SMG7: variants seen among roughly 807,000 people sequenced by gnomAD.
The protein encoded by SMG7 is SMG7 nonsense mediated mRNA decay factor, also known as nonsense-mediated mRNA decay factor SMG7.
In SMG7, 34 loss-of-function variants were observed where a neutral mutation model predicts 148.2. That is an observed-to-expected ratio of 0.23 (90% confidence interval 0.17 to 0.31). SMG7 has a LOEUF of 0.31. SMG7 is among the 10% of genes least tolerant of loss of function. The probability of loss-of-function intolerance (pLI) is 1.00; values close to 1 mark genes in which losing one functional copy is unlikely to be tolerated. For missense variants in SMG7, 1,114 were observed against 1,408.4 expected (o/e 0.79, Z 3.35); for synonymous variants, 492 against 515.1 (o/e 0.96, Z 0.61).
chr1:183,537,094 CT>C, intron 10 of SMG7, 50 bp from the exon 11 acceptor site: 1 of 1,297,762 alleles, frequency 7.7e-7, no homozygotes, highest in Non-Finnish European at 1.1e-6. Flanking sequence ...TATTAGTGTT[CT>C]GGTTTCTCTT....
chr1:183,472,506 C>G lies in SMG7; in HGVS notation c.-115C>G, dbSNP rs1429172724. 64 of 990,818 alleles carry G rather than the reference C, an allele frequency of 6.5e-5. No individual in the cohort carries two copies. The highest frequency in any genetic ancestry group is 8.2e-5 in the Non-Finnish European group (60 of 728,398). 61.4% of individuals were successfully genotyped at this position (990,818 alleles called of 1,614,324 possible). ...ACCCCCCTGCCGAGCGAGGAGGAGC[C>G]GGAGGAGAGGAAGATGGCGGCGGCC... On this transcript the variant is annotated 5_prime_UTR_variant, in exon 1 of 23. Coordinates refer to ENST00000688051, the MANE Select transcript of SMG7 (RefSeq NM_001375584.1).
At chr1:183,496,004 A>G (rs542920689) in intron 1 of SMG7, among the ~76,000 whole-genome samples, 2 of 152,374 alleles carry the variant, frequency 1.3e-5, no homozygotes, top group South Asian at 4.1e-4. Context: ...TTTAGGCTCC[A>G]GAATTCTGAT....
intron 1 of SMG7, among the ~76,000 whole-genome samples, chr1:183,485,974 A>G (rs1655323060): frequency 6.6e-6 from 1 of 152,210 alleles, no homozygotes; most frequent in African/African-American, 2.4e-5. Flanking sequence ...AGGAAAAGGG[A>G]CAGCTTTCCT....
chr1:183,531,696 T>C (rs189167351), intron 8 of SMG7, among the ~76,000 whole-genome samples: 4 of 152,310 alleles, frequency 2.6e-5, no homozygotes, highest in Admixed American at 2.0e-4. Context: ...AATTCTTTAA[T>C]GGGCTGTGAC....
At chr1:183,525,555 T>C (rs752517167) in intron 4 of SMG7, among the ~76,000 whole-genome samples, 3 of 152,162 alleles carry the variant, frequency 2.0e-5, no homozygotes, top group Admixed American at 6.6e-5. Flanking sequence ...GTGTTTTAGC[T>C]CTGTTTTGTT....
chr1:183,503,949 C>T (rs973339569), intron 1 of SMG7, among the ~76,000 whole-genome samples: 1 of 152,210 alleles, frequency 6.6e-6, no homozygotes, highest in African/African-American at 2.4e-5. Context: ...AAAACTGCCT[C>T]CTGTATGGTT....
chr1:183,549,826 C>G lies in SMG7; in HGVS notation c.3036C>G (p.Ser1012=). The G allele has an allele frequency of 2.5e-6, 4 of 1,613,708 alleles. No individual in the cohort carries two copies. Among genetic ancestry groups the G allele is most frequent in the Non-Finnish European group, 3.4e-6 (4 of 1,179,684 alleles). Residue 1012 remains serine (S), a synonymous_variant, in exon 20 of 23, where the codon TCC becomes TCG. Transcript: ENST00000688051. ...EVYGKNLTSS[S]KAELSPSMAP... is the part of the protein sequence containing the mutation. ...ATGGGAAAAACCTGACATCCAGCTC[C>G]AAAGCAGAACTCAGTCCCTCAATGG... is the stretch of plus-strand genomic sequence containing the variant.
At chr1:183,525,981 TGTGTCTGAAAATC>T (rs899739617) in intron 4 of SMG7, among the ~76,000 whole-genome samples, 12 of 152,096 alleles carry the variant, frequency 7.9e-5, no homozygotes, top group Admixed American at 5.9e-4. Flanking sequence ...GCTTGCTTAA[TGTGTCTGAAAATC>T]GTGTCTGAAA....
chr1:183,552,493 C>T lies in SMG7; in HGVS notation c.*562C>T. 3.0e-6 allele frequency: 3 copies of T among 996,762 alleles called. No homozygotes were observed. Among genetic ancestry groups the T allele is most frequent in the Non-Finnish European group, 3.6e-6 (3 of 836,282 alleles). The allele number at this position is 996,762 out of a possible 1,614,324, so 61.7% of individuals were successfully genotyped here. A position where few individuals can be genotyped will look rare whatever the true frequency, so the allele number is the denominator to read the frequency against. ...AGCAAGGAAAGCCCCGTTCACTGCT[C>T]CTGTGAGAGGTTGGTGGTGACAGGA... On this transcript the variant is annotated 3_prime_UTR_variant, in exon 23 of 23. Coordinates refer to ENST00000688051, the MANE Select transcript of SMG7 (RefSeq NM_001375584.1).
At chr1:183,520,418 C>T (rs1349831428) in intron 4 of SMG7, among the ~76,000 whole-genome samples, 2 of 152,032 alleles carry the variant, frequency 1.3e-5, no homozygotes, top group African/African-American at 4.8e-5. Context: ...TTCCCAGATT[C>T]CCATCATTTC....
intron 22 of SMG7, 26 bp downstream of exon 22, chr1:183,551,216 C>T (rs1412366064): frequency 6.5e-6 from 10 of 1,547,812 alleles, no homozygotes; most frequent in Middle Eastern, 1.7e-4. Context: ...GAACAAGAAC[C>T]ACAAGATTAT....
intron 2 of SMG7, among the ~76,000 whole-genome samples, chr1:183,515,145 C>G (rs1663185036): frequency 6.6e-6 from 1 of 152,294 alleles, no homozygotes; most frequent in African/African-American, 2.4e-5. Context: ...TATGTGTAGT[C>G]ATAGCCTGAC....
chr1:183,534,949 T>C (rs1558039341), intron 10 of SMG7, among the ~76,000 whole-genome samples: 3 of 152,150 alleles, frequency 2.0e-5, no homozygotes, highest in Non-Finnish European at 4.4e-5. Context: ...TTATCATGAA[T>C]AGAGTTTAGG....
Position 183,552,916 on chromosome 1 carries a change from C to A in SMG7, c.*985C>A. 1 of 1,505,424 alleles carries A rather than the reference C, an allele frequency of 6.6e-7. No individual in the cohort carries two copies. The highest frequency in any genetic ancestry group is 8.9e-7 in the Non-Finnish European group (1 of 1,127,790). The allele number at this position is 1,505,424 out of a possible 1,614,324, so 93.3% of individuals were successfully genotyped here. A position where few individuals can be genotyped will look rare whatever the true frequency, so the allele number is the denominator to read the frequency against. ...CCCCATCTCCATCCCTTCTTTTACCCAATGCTGTATGCTAGTAATTGTTTT... is the reference window on the plus strand; with the variant it reads ...CCCCATCTCCATCCCTTCTTTTACCAAATGCTGTATGCTAGTAATTGTTTT... On this transcript the variant is annotated 3_prime_UTR_variant, in exon 23 of 23. Transcript: ENST00000688051.
intron 22 of SMG7, 146 bp downstream of exon 22, chr1:183,551,336 G>T (rs1417003304): frequency 2.8e-6 from 2 of 715,040 alleles, no homozygotes; most frequent in African/African-American, 1.8e-5. Context: ...AACATGGTCT[G>T]CCTTACAAGA....
chr1:183,505,169 T>C (rs1407104506), intron 1 of SMG7, among the ~76,000 whole-genome samples: 1 of 152,120 alleles, frequency 6.6e-6, no homozygotes, highest in African/African-American at 2.4e-5. Context: ...TCTGTCTCTT[T>C]ACACAGTCCA....
chr1:183,526,707 C>T lies in SMG7; in HGVS notation c.424C>T (p.Pro142Ser). Residue 142 changes from proline (P) to serine (S), a missense_variant, in exon 5 of 23, where the codon CCA becomes TCA. By Grantham distance (74) the Pro-to-Ser change is moderately conservative. Around this residue, in one of 4 missense-constraint regions of SMG7, gnomAD observed 216 missense variants for 329.1 expected, o/e 0.66. Transcript: ENST00000688051. ...GACGCATACCAGCGCCATAGTGAAG[C>T]CACAGTCTAGCTCCTGTTCCTATAT... is the stretch of plus-strand genomic sequence containing the variant. ...KQTHTSAIVKPQSSSCSYICQ... is the reference protein window; with the variant it reads ...KQTHTSAIVKSQSSSCSYICQ... The T allele has an allele frequency of 6.2e-7, 1 of 1,613,820 alleles. No homozygotes were observed. Among genetic ancestry groups the T allele is most frequent in the Non-Finnish European group, 8.5e-7 (1 of 1,179,818 alleles).
At chr1:183,506,959 A>G (rs1161949238) in intron 1 of SMG7, among the ~76,000 whole-genome samples, 1 of 149,908 alleles carries the variant, frequency 6.7e-6, no homozygotes, top group African/African-American at 2.5e-5. Flanking sequence ...GCTCGCTGCA[A>G]CCTACGCCCC....
At chr1:183,537,566 AAAAG>A (rs1354167627) in intron 11 of SMG7, among the ~76,000 whole-genome samples, 2 of 152,230 alleles carry the variant, frequency 1.3e-5, no homozygotes, top group East Asian at 1.9e-4. Flanking sequence ...GGTACAAAGA[AAAAG>A]AACACAAATC....
Sources: allele counts gnomAD v4.1 joint callset (sites outside exome capture counted in the v4.1 genomes callset), GRCh38; gene constraint gnomAD v4.1.1; regional missense constraint gnomAD v4.1.1; transcripts MANE v1.5; gene names NCBI Gene and HGNC (gene_info 2026-07-23, HGNC 2026-07-21).